Variants in ALK observed in about 807,000 individuals in gnomAD.
The protein encoded by ALK is ALK tyrosine kinase receptor.
A neutral mutation model predicts 163.1 loss-of-function variants in ALK; 74 were observed. That is an observed-to-expected ratio of 0.45 (90% CI 0.38 to 0.55). The LOEUF is 0.55. Among genes scored for constraint, ALK ranks in the 20% least tolerant of loss-of-function variants. The pLI is 0.00. For synonymous variants in ALK, 960 were observed against 843.2 expected, an observed-to-expected ratio of 1.14 and a Z score of -2.40; for missense variants, 2,063 against 2,105.3, an observed-to-expected ratio of 0.98 and a Z score of 0.39.
chr2:29,713,626 T>C (rs950944568), intron 2 of ALK, among the ~76,000 whole-genome samples: 6 of 152,170 alleles, frequency 3.9e-5, no homozygotes, highest in African/African-American at 1.4e-4. Context: ...CTTTGTGATA[T>C]GATAGAAAGA....
chr2:29,658,573 G>A (rs549674580), intron 3 of ALK, among the ~76,000 whole-genome samples: 13 of 152,214 alleles, frequency 8.5e-5, no homozygotes, highest in African/African-American at 2.4e-4. Flanking sequence ...AGGGATGGGA[G>A]AGCAAGGGCT....
intron 3 of ALK, among the ~76,000 whole-genome samples, chr2:29,646,146 T>G (rs1044270867): frequency 3.3e-5 from 5 of 152,134 alleles, no homozygotes; most frequent in Admixed American, 2.6e-4. Flanking sequence ...CCTAAATTCA[T>G]GAGTCACTGA....
At chr2:29,360,918 C>T (rs1272698747) in intron 5 of ALK, among the ~76,000 whole-genome samples, 1 of 152,202 alleles carries the variant, frequency 6.6e-6, no homozygotes, top group East Asian at 1.9e-4. Flanking sequence ...TTGGATTGGA[C>T]CCTCCCACCA....
intron 4 of ALK, among the ~76,000 whole-genome samples, chr2:29,422,110 A>AC (rs1328335754): frequency 1.3e-5 from 2 of 151,442 alleles, no homozygotes; most frequent in Non-Finnish European, 2.9e-5. Flanking sequence ...GAGTCTGAAG[A>AC]CCAAAGCCAG....
intron 1 of ALK, among the ~76,000 whole-genome samples, chr2:29,880,628 T>C (rs1002780282): frequency 6.6e-6 from 1 of 152,222 alleles, no homozygotes; most frequent in Non-Finnish European, 1.5e-5. Context: ...TGGGATATCA[T>C]AAACACACAC....
chr2:29,662,213 A>G (rs1417613583), intron 3 of ALK, among the ~76,000 whole-genome samples: 3 of 152,090 alleles, frequency 2.0e-5, no homozygotes, highest in Admixed American at 1.3e-4. Context: ...CGCCCGGCCT[A>G]TCAATATCTT....
chr2:29,238,945 A>C (rs919136201), intron 13 of ALK, among the ~76,000 whole-genome samples: 1 of 152,246 alleles, frequency 6.6e-6, no homozygotes, highest in Non-Finnish European at 1.5e-5. Context: ...AGATAATGCA[A>C]TCTTTCTGCT....
chr2:29,920,007 T>C lies in ALK; in HGVS notation c.653A>G (p.Gln218Arg), dbSNP rs751419585. 3.7e-6 allele frequency: 6 copies of C among 1,613,974 alleles called. No individual in the cohort carries two copies. The highest frequency in any genetic ancestry group is 3.3e-5 in the Admixed American group (2 of 60,036). ...IRASQPRLLF[Q>R]IFGTGHSSLE... ...GAGCTGCTCACCAGTCCCGAAGATC[T>C]GGAAGAGAAGGCGGGGCTGGGAGGC... Residue 218 changes from glutamine to arginine, a missense_variant, in exon 1 of 29, where the codon CAG becomes CGG. Physicochemically the swap from Gln to Arg is conservative, Grantham distance 43 (BLOSUM62 1). Coordinates refer to ENST00000389048, the MANE Select transcript of ALK (RefSeq NM_004304.5).
chr2:29,415,557 T>C (rs1299284265), intron 4 of ALK, among the ~76,000 whole-genome samples: 1 of 152,152 alleles, frequency 6.6e-6, no homozygotes, highest in Non-Finnish European at 1.5e-5. Flanking sequence ...TCCATTAGGT[T>C]TGGAAAACAC....
intron 4 of ALK, among the ~76,000 whole-genome samples, chr2:29,430,625 A>G (rs999403401): frequency 1.3e-5 from 2 of 152,224 alleles, no homozygotes; most frequent in Non-Finnish European, 2.9e-5. Context: ...CTCTTAAAAA[A>G]CAGAACAATG....
intron 4 of ALK, among the ~76,000 whole-genome samples, chr2:29,440,534 C>G (rs577322575): frequency 2.6e-5 from 4 of 152,246 alleles, no homozygotes; most frequent in African/African-American, 9.6e-5. Flanking sequence ...CCAGGCTGGT[C>G]TCAAACACCC....
At chr2:29,866,522 C>A (rs1194229417) in intron 1 of ALK, among the ~76,000 whole-genome samples, 2 of 152,150 alleles carry the variant, frequency 1.3e-5, no homozygotes, top group Non-Finnish European at 2.9e-5. Flanking sequence ...ACCCAAACTA[C>A]ACGTGAATGG....
intron 3 of ALK, among the ~76,000 whole-genome samples, chr2:29,666,943 T>A (rs1677530837): frequency 6.6e-6 from 1 of 152,150 alleles, no homozygotes. Context: ...ATGCAATATT[T>A]GTCTTTCTGT....
intron 4 of ALK, among the ~76,000 whole-genome samples, chr2:29,424,671 T>C (rs1277748254): frequency 6.6e-6 from 1 of 152,222 alleles, no homozygotes; most frequent in Non-Finnish European, 1.5e-5. Flanking sequence ...TGATAGTTCA[T>C]TCATTTAGCC....
At chr2:29,501,894 C>T (rs967776859) in intron 4 of ALK, among the ~76,000 whole-genome samples, 56 of 152,276 alleles carry the variant, frequency 3.7e-4, no homozygotes, top group Non-Finnish European at 5.7e-4. Context: ...ATTCTACTTT[C>T]TGTCCATATG....
intron 2 of ALK, among the ~76,000 whole-genome samples, chr2:29,716,993 AT>A (rs1679275626): frequency 2.2e-5 from 1 of 45,396 alleles, no homozygotes; most frequent in Non-Finnish European, 4.8e-5. Context: ...TCTACCAAAA[AT>A]CCAAAAAAAA....
At chr2:29,724,188 C>T (rs1195151052) in intron 1 of ALK, among the ~76,000 whole-genome samples, 5 of 152,202 alleles carry the variant, frequency 3.3e-5, no homozygotes, top group African/African-American at 7.2e-5. Flanking sequence ...GTAACAAATG[C>T]TCCTATTCTA....
chr2:29,380,347 A>C (rs1429052591), intron 5 of ALK, among the ~76,000 whole-genome samples: 1 of 151,430 alleles, frequency 6.6e-6, no homozygotes, highest in African/African-American at 2.4e-5. Flanking sequence ...CTCGTGATCC[A>C]CCTGCCTCAG....
intron 5 of ALK, among the ~76,000 whole-genome samples, chr2:29,332,944 CTA>C (rs1667488284): frequency 6.6e-6 from 1 of 152,162 alleles, no homozygotes; most frequent in Non-Finnish European, 1.5e-5. Flanking sequence ...AAATTGCTTT[CTA>C]GAAGTTAATC....
Sources: gnomAD v4.1 joint callset for allele counts (sites outside exome capture counted in the v4.1 genomes callset) on GRCh38, gnomAD v4.1.1 for gene constraint, MANE v1.5 for transcripts, NCBI Gene and HGNC (gene_info 2026-07-23, HGNC 2026-07-21) for gene names.